NIPA1: variants seen among roughly 807,000 people sequenced by gnomAD.
The protein encoded by NIPA1 is NIPA magnesium transporter 1, also known as magnesium transporter NIPA1.
In NIPA1, 13 loss-of-function variants were observed where a neutral mutation model predicts 23.9. The ratio of observed to expected loss-of-function variants is 0.54; its 90% CI spans 0.35 to 0.87. The LOEUF (loss-of-function observed/expected upper bound fraction) is 0.87. NIPA1 is among the 40% of genes least tolerant of loss of function. The pLI is 0.01. For synonymous variants in NIPA1, 234 were observed against 202.9 expected (o/e 1.15, Z -1.30); for missense variants, 362 against 429.7 (o/e 0.84, Z 1.39).
intron 2 of NIPA1, among the ~76,000 whole-genome samples, chr15:22,811,670 G>A (rs746324634): frequency 5.1e-4 from 77 of 152,130 alleles, no homozygotes; most frequent in Non-Finnish European, 9.4e-4. Context: ...ACATTACGTG[G>A]CAATACCAAT....
intron 2 of NIPA1, among the ~76,000 whole-genome samples, chr15:22,811,827 A>AG: frequency 6.6e-6 from 1 of 152,274 alleles, no homozygotes; most frequent in South Asian, 2.1e-4. Flanking sequence ...AGGCCACTAG[A>AG]GGGTGCACAG....
intron 1 of NIPA1, among the ~76,000 whole-genome samples, chr15:22,798,074 C>T (rs1894979383): frequency 6.6e-6 from 1 of 151,326 alleles, no homozygotes; most frequent in African/African-American, 2.4e-5. Context: ...GTCTTGATCT[C>T]CTTACCTTGT....
At chr15:22,793,882 A>G (rs986338785) in intron 1 of NIPA1, among the ~76,000 whole-genome samples, 1 of 152,032 alleles carries the variant, frequency 6.6e-6, no homozygotes, top group African/African-American at 2.4e-5. Flanking sequence ...GGGAGTAAAT[A>G]TGTAGATTTA....
At chr15:22,802,463 A>T (rs1295339245) in intron 1 of NIPA1, among the ~76,000 whole-genome samples, 1 of 152,022 alleles carries the variant, frequency 6.6e-6, no homozygotes, top group East Asian at 1.9e-4. Flanking sequence ...TGCATGTTTA[A>T]TGTACACACC....
intron 1 of NIPA1, among the ~76,000 whole-genome samples, chr15:22,798,791 G>C (rs1191773242): frequency 1.5e-5 from 2 of 131,082 alleles, no homozygotes; most frequent in African/African-American, 6.0e-5. Flanking sequence ...AGCCGAGATC[G>C]CGCCACTGCA....
At chr15:22,810,980 C>T (rs1297322184) in intron 2 of NIPA1, 184 bp downstream of exon 2, 33 of 631,026 alleles carry the variant, frequency 5.2e-5, no homozygotes, top group Non-Finnish European at 9.1e-5. Context: ...GGGCACTCTC[C>T]CTGCTCCCCT....
chr15:22,788,394 G>C (rs1029093725), intron 1 of NIPA1, among the ~76,000 whole-genome samples: 4 of 151,492 alleles, frequency 2.6e-5, no homozygotes, highest in Non-Finnish European at 5.9e-5. Flanking sequence ...CCAGCTACTC[G>C]AGAGGCTGAG....
chr15:22,786,838 GGGCGGGC>G lies in NIPA1; in HGVS notation c.178+8_178+14del, dbSNP rs765730617. 8.3e-6 allele frequency: 10 copies of G among 1,205,462 alleles called. No homozygotes were observed. Among genetic ancestry groups the G allele is most frequent in the African/African-American group, 6.4e-5 (4 of 62,742 alleles). 74.7% of individuals were successfully genotyped at this position (1,205,462 alleles called of 1,614,324 possible). On this transcript the variant is annotated splice_donor_5th_base_variant and intron_variant, in intron 1 of 4. Transcript: ENST00000337435. ...ATCGTGCGTGCCAAGCGGCGAGGTA[GGGCGGGC>G]GGCAGGCGGCAGGCGGCGGGCGGGT...
Position 22,804,842 on chromosome 15 carries a change from AT to A in NIPA1, c.179-5894del, listed in dbSNP as rs796872509. ...TCTTGATTATATAGTTTTATAGTAAATTTTTTTTTTTTTAAGACGGAGTCCG... is the reference window on the plus strand; with the variant it reads ...TCTTGATTATATAGTTTTATAGTAAATTTTTTTTTTTTAAGACGGAGTCCG... On this transcript the variant is annotated intron_variant, in intron 1 of 4. Transcript: ENST00000337435. Among the ~76,000 whole-genome samples the A allele has an allele frequency of 9.7e-4, 142 of 146,652 alleles. 1 individual carries two copies. Among genetic ancestry groups the A allele is most frequent in the African/African-American group, 2.2e-3 (87 of 40,208 alleles).
rs946977122 is a variant in NIPA1 at position 22,800,744 on chromosome 15, C to T, written c.179-10005C>T. Among the ~76,000 whole-genome samples the T allele has an allele frequency of 1.3e-4, 19 of 151,828 alleles. 1 individual carries two copies. Among genetic ancestry groups the T allele is most frequent in the Admixed American group, 9.2e-4 (14 of 15,202 alleles). On this transcript the variant is annotated intron_variant, in intron 1 of 4. Transcript: ENST00000337435. ...GAGATTGAGACCATCCTGGCTAACACGGTAAAACCCCATCTCTACTAAAAA... is the reference window on the plus strand; with the variant it reads ...GAGATTGAGACCATCCTGGCTAACATGGTAAAACCCCATCTCTACTAAAAA...
At chr15:22,799,168 G>T (rs1208328547) in intron 1 of NIPA1, among the ~76,000 whole-genome samples, 2 of 152,104 alleles carry the variant, frequency 1.3e-5, no homozygotes, top group Non-Finnish European at 2.9e-5. Flanking sequence ...CAGTGTCATG[G>T]AATTAACCTA....
intron 1 of NIPA1, among the ~76,000 whole-genome samples, chr15:22,804,276 C>G (rs141695402): frequency 6.6e-6 from 1 of 152,094 alleles, no homozygotes; most frequent in East Asian, 1.9e-4. Flanking sequence ...CCGCACCCAG[C>G]TGGGCCCGGC....
intron 1 of NIPA1, among the ~76,000 whole-genome samples, chr15:22,802,851 C>T (rs1595635825): frequency 1.3e-5 from 2 of 152,254 alleles, no homozygotes; most frequent in Non-Finnish European, 1.5e-5. Flanking sequence ...TTTGAAGATT[C>T]ATCGTGATGT....
intron 1 of NIPA1, 38 bp downstream of exon 1, chr15:22,786,872 G>A: frequency 1.1e-6 from 1 of 878,686 alleles, no homozygotes; most frequent in Non-Finnish European, 1.5e-6. Context: ...CGGGCGGGTG[G>A]GGGAGGCGGG....
chr15:22,789,286 G>T (rs1281050531), intron 1 of NIPA1, among the ~76,000 whole-genome samples: 1 of 152,016 alleles, frequency 6.6e-6, no homozygotes, highest in Non-Finnish European at 1.5e-5. Context: ...ACCAACACTC[G>T]GCCTATATTA....
chr15:22,804,666 A>T (rs753280494), intron 1 of NIPA1, among the ~76,000 whole-genome samples: 1 of 152,070 alleles, frequency 6.6e-6, no homozygotes, highest in African/African-American at 2.4e-5. Context: ...TTTCTCTACA[A>T]CATCCAGTTG....
chr15:22,804,500 C>T (rs1245816772), intron 1 of NIPA1, among the ~76,000 whole-genome samples: 1 of 152,062 alleles, frequency 6.6e-6, no homozygotes, highest in Non-Finnish European at 1.5e-5. Flanking sequence ...CTGGTCGGTG[C>T]TTTTGATTTC....
At chr15:22,810,554 G>C (rs1012218242) in intron 1 of NIPA1, among the ~76,000 whole-genome samples, 195 bp from the exon 2 acceptor site, 1 of 151,946 alleles carries the variant, frequency 6.6e-6, no homozygotes, top group South Asian at 2.1e-4. Context: ...AAAATATCTT[G>C]ACTTTGCCAC....
At chr15:22,797,271 G>A (rs796213286) in intron 1 of NIPA1, among the ~76,000 whole-genome samples, 17 of 151,518 alleles carry the variant, frequency 1.1e-4, no homozygotes, top group African/African-American at 4.1e-4. Context: ...GTGCAGTGGT[G>A]TGATCTCTGC....
Sources: allele counts gnomAD v4.1 joint callset (sites outside exome capture counted in the v4.1 genomes callset), GRCh38; gene constraint gnomAD v4.1.1; transcripts MANE v1.5; gene names NCBI Gene and HGNC (gene_info 2026-07-23, HGNC 2026-07-21).